The following SUMF1 variants were observed in gnomAD, a reference collection of about 807,000 sequenced individuals.
SUMF1 encodes formylglycine-generating enzyme.
A neutral mutation model predicts 47.6 loss-of-function variants in SUMF1; 48 were observed. The observed-to-expected ratio is 1.01, with a 90% CI of 0.80 to 1.28. The LOEUF is 1.28. Among genes scored for constraint, SUMF1 ranks in the 50% most tolerant of loss-of-function variants. The probability of loss-of-function intolerance (pLI) is 0.00; values close to 1 mark genes in which losing one functional copy is unlikely to be tolerated. For synonymous variants in SUMF1, 230 were observed against 192.1 expected (o/e 1.20, Z -1.63); for missense variants, 571 against 485.4 (o/e 1.18, Z -1.66).
intron 8 of SUMF1, among the ~76,000 whole-genome samples, chr3:4,111,714 G>A (rs575435774): frequency 5.3e-5 from 8 of 152,046 alleles, no homozygotes; most frequent in African/African-American, 1.4e-4. Context: ...ACTGCAGCCT[G>A]GCGACAGAGC....
chr3:4,159,691 C>T (rs960977350), intron 8 of SUMF1, among the ~76,000 whole-genome samples: 27 of 152,196 alleles, frequency 1.8e-4, no homozygotes, highest in African/African-American at 6.0e-4. Context: ...CTTTTCTTAA[C>T]CCTTTTCAGA....
intron 8 of SUMF1, among the ~76,000 whole-genome samples, chr3:4,172,207 T>C (rs572707941): frequency 6.6e-6 from 1 of 152,302 alleles, no homozygotes; most frequent in East Asian, 1.9e-4. Flanking sequence ...GATTGAACTT[T>C]GCAGACAAAG....
intron 1 of SUMF1, among the ~76,000 whole-genome samples, chr3:4,463,921 T>G (rs1249042055): frequency 1.3e-5 from 2 of 152,218 alleles, no homozygotes; most frequent in African/African-American, 4.8e-5. Context: ...CACATTAAAT[T>G]TTTAAACATC....
intron 8 of SUMF1, among the ~76,000 whole-genome samples, chr3:4,368,753 C>G (rs1033522458): frequency 1.3e-5 from 2 of 152,184 alleles, no homozygotes; most frequent in Non-Finnish European, 2.9e-5. Flanking sequence ...CCCTGACTAC[C>G]TAGCAGGTAT....
chr3:4,377,878 C>T (rs1017613169), intron 7 of SUMF1, among the ~76,000 whole-genome samples: 4 of 152,136 alleles, frequency 2.6e-5, no homozygotes, highest in African/African-American at 7.2e-5. Flanking sequence ...CGCAAGAGGC[C>T]GGGACAACCC....
intron 8 of SUMF1, among the ~76,000 whole-genome samples, chr3:4,330,502 C>A (rs192953766): frequency 1.1e-3 from 162 of 152,296 alleles, no homozygotes; most frequent in South Asian, 2.3e-3. Context: ...ATTTATAAAA[C>A]CATCAGATCT....
intron 8 of SUMF1, among the ~76,000 whole-genome samples, chr3:4,215,525 G>A (rs1462496153): frequency 6.6e-6 from 1 of 152,168 alleles, no homozygotes; most frequent in Non-Finnish European, 1.5e-5. Context: ...ATTCAACATA[G>A]TATTGAAAGT....
Position 4,104,413 on chromosome 3 carries a change from T to C in SUMF1, c.1015-35668A>G, listed in dbSNP as rs552068491. ...TACCAGCAGCATGAAAACAGACTAA[T>C]ACAGCCCTTCAGATCCACTCCCCAC... is the stretch of plus-strand genomic sequence containing the variant. On this transcript the variant is annotated intron_variant and NMD_transcript_variant, in intron 8 of 12. Coordinates refer to the SUMF1 transcript ENST00000448413. Among the ~76,000 whole-genome samples, 27 of 152,172 alleles carry C rather than the reference T, an allele frequency of 1.8e-4. No individual in the cohort carries two copies. The East Asian group carries it at 4.4e-3, about 25-fold the overall frequency.
chr3:4,039,114 T>C (rs930441967), intron 9 of SUMF1, among the ~76,000 whole-genome samples: 6 of 149,970 alleles, frequency 4.0e-5, no homozygotes, highest in Non-Finnish European at 8.9e-5. Flanking sequence ...TTACAGAGAA[T>C]TGAAATACAG....
chr3:4,072,643 C>A (rs1454069168), intron 8 of SUMF1, among the ~76,000 whole-genome samples: 2 of 152,076 alleles, frequency 1.3e-5, no homozygotes, highest in African/African-American at 2.4e-5. Flanking sequence ...ACATAAATGA[C>A]CTGTTGGAGC....
intron 8 of SUMF1, among the ~76,000 whole-genome samples, chr3:4,084,526 T>C (rs1290408822): frequency 6.6e-6 from 1 of 152,018 alleles, no homozygotes; most frequent in Non-Finnish European, 1.5e-5. Context: ...TGAAGAAAAT[T>C]ACTTGATTAG....
At chr3:4,179,266 C>A (rs540801203) in intron 8 of SUMF1, among the ~76,000 whole-genome samples, 2 of 152,052 alleles carry the variant, frequency 1.3e-5, no homozygotes, top group Non-Finnish European at 2.9e-5. Context: ...GGAGGCATCA[C>A]GCTACCTGAC....
In SUMF1 at chr3:4,362,064, G is replaced by C; in HGVS notation, c.*80C>G. The C allele has an allele frequency of 2.2e-6, 3 of 1,367,470 alleles. No individual in the cohort carries two copies. The highest frequency in any genetic ancestry group is 2.4e-5 in the South Asian group (2 of 84,388). The allele number at this position is 1,367,470 out of a possible 1,614,324, so 84.7% of individuals were successfully genotyped here. On this transcript the variant is annotated 3_prime_UTR_variant, in exon 9 of 9. Transcript: ENST00000272902. ...CTCAGGGTGGGAATTCTTTGCATGGGATCGTTCAAAGTTCTGAGAAAAGCC... is the reference window on the plus strand; with the variant it reads ...CTCAGGGTGGGAATTCTTTGCATGGCATCGTTCAAAGTTCTGAGAAAAGCC...
At chr3:4,160,273 T>C (rs1217481652) in intron 8 of SUMF1, among the ~76,000 whole-genome samples, 3 of 152,216 alleles carry the variant, frequency 2.0e-5, no homozygotes, top group East Asian at 1.9e-4. Flanking sequence ...AGAGTCTCAC[T>C]CTGTCACCCA....
At chr3:4,456,741 CACACATATATACGTGTGTGTGTATATAT>C (rs1559312437) in intron 1 of SUMF1, among the ~76,000 whole-genome samples, 835 of 41,310 alleles carry the variant, frequency 0.02, 27 homozygotes, top group East Asian at 0.029. Context: ...TGTATATATA[CACACATATATACGTGTGTGTGTATATAT>C]ACACATATAT....
chr3:4,426,490 C>G (rs530148052), intron 3 of SUMF1, among the ~76,000 whole-genome samples: 1 of 152,308 alleles, frequency 6.6e-6, no homozygotes, highest in Admixed American at 6.5e-5. Flanking sequence ...TGTTTCTAAA[C>G]ATTTCAAATA....
intron 8 of SUMF1, among the ~76,000 whole-genome samples, chr3:4,143,355 G>C (rs1396899080): frequency 6.6e-6 from 1 of 152,076 alleles, no homozygotes; most frequent in South Asian, 2.1e-4. Flanking sequence ...ACTTTTCCCA[G>C]GTAACCCTCA....
chr3:4,126,721 G>A (rs1232884593), intron 8 of SUMF1, among the ~76,000 whole-genome samples: 1 of 152,068 alleles, frequency 6.6e-6, no homozygotes, highest in Non-Finnish European at 1.5e-5. Flanking sequence ...CTTACTGGTT[G>A]ATAAACCTAT....
chr3:4,068,013 G>T (rs1267913624), intron 9 of SUMF1, among the ~76,000 whole-genome samples: 1 of 152,166 alleles, frequency 6.6e-6, no homozygotes, highest in African/African-American at 2.4e-5. Context: ...GGAAGCTGAG[G>T]TTAAAATCTT....
Sources: allele counts gnomAD v4.1 joint callset (sites outside exome capture counted in the v4.1 genomes callset), GRCh38; gene constraint gnomAD v4.1.1; transcripts MANE v1.5; gene names NCBI Gene and HGNC (gene_info 2026-07-23, HGNC 2026-07-21).